The following SFXN4 variants were observed in gnomAD, a reference collection of about 807,000 sequenced individuals.
SFXN4 encodes the protein sideroflexin-4.
SFXN4 carries 48 observed loss-of-function variants against 54.6 expected under a neutral mutation model. The observed-to-expected ratio is 0.88, with a 90% CI of 0.70 to 1.12. SFXN4 has a LOEUF of 1.12. Ranked by LOEUF, SFXN4 falls within the 50% of genes most tolerant of loss-of-function variation. The probability of loss-of-function intolerance (pLI) is 0.00; values close to 1 mark genes in which losing one functional copy is unlikely to be tolerated. For synonymous variants in SFXN4, 130 were observed against 145.5 expected (o/e 0.89, Z 0.77); for missense variants, 383 against 409.2 (o/e 0.94, Z 0.55).
At chr10:119,164,760 C>G (rs564469549) in intron 1 of SFXN4, among the ~76,000 whole-genome samples, 1 of 152,008 alleles carries the variant, frequency 6.6e-6, no homozygotes, top group African/African-American at 2.4e-5. Context: ...CGCCCCTTCT[C>G]AATTTCCCCA....
chr10:119,156,477 C>T (rs1053329658), intron 10 of SFXN4, among the ~76,000 whole-genome samples: 3 of 152,168 alleles, frequency 2.0e-5, no homozygotes, highest in Non-Finnish European at 4.4e-5. Flanking sequence ...CATTCTTTAG[C>T]CATTAATGTG....
chr10:119,163,909 G>A (rs938222855), intron 2 of SFXN4, among the ~76,000 whole-genome samples: 9 of 151,816 alleles, frequency 5.9e-5, no homozygotes, highest in African/African-American at 1.9e-4. Context: ...GCATGGTGGC[G>A]CATGCCTGCA....
chr10:119,153,136 C>T (rs1416487556), intron 11 of SFXN4, among the ~76,000 whole-genome samples: 4 of 152,114 alleles, frequency 2.6e-5, no homozygotes, highest in Non-Finnish European at 1.5e-5. Context: ...TTTGGCCAGG[C>T]CCAGTGGCTC....
At chr10:119,159,286 C>CA (rs67173524) in intron 6 of SFXN4, among the ~76,000 whole-genome samples, 45,439 of 151,338 alleles carry the variant, frequency 0.3, 7,556 homozygotes, top group South Asian at 0.39. Flanking sequence ...TCTCGAAAAA[C>CA]AAAAAAAACC....
At chr10:119,158,674 G>T (rs1589644633) in intron 6 of SFXN4, among the ~76,000 whole-genome samples, 1 of 147,378 alleles carries the variant, frequency 6.8e-6, no homozygotes, top group African/African-American at 2.5e-5. Flanking sequence ...GCAGACAGGA[G>T]CCTGTGGTGT....
intron 11 of SFXN4, 48 bp from the exon 12 acceptor site, chr10:119,147,908 C>A: frequency 6.7e-7 from 1 of 1,493,772 alleles, no homozygotes; most frequent in Non-Finnish European, 9.3e-7. Flanking sequence ...CGGTGGCTCA[C>A]GCCTGTAATC....
intron 11 of SFXN4, among the ~76,000 whole-genome samples, chr10:119,150,452 GGATCACTTGATGCC>G (rs1847017575): frequency 6.6e-6 from 1 of 152,096 alleles, no homozygotes; most frequent in East Asian, 1.9e-4. Flanking sequence ...CAAGGCAGGA[GGATCACTTGATGCC>G]AGGAGTTTGA....
intron 1 of SFXN4, chr10:119,165,076 G>C: frequency 3.2e-6 from 1 of 312,458 alleles, no homozygotes; most frequent in Non-Finnish European, 4.7e-6. Context: ...TACCTGTAAG[G>C]CTCACATCAT....
intron 11 of SFXN4, among the ~76,000 whole-genome samples, chr10:119,152,097 G>C (rs1201449702): frequency 2.6e-5 from 4 of 152,006 alleles, no homozygotes; most frequent in Non-Finnish European, 4.4e-5. Flanking sequence ...GCATGAGTGA[G>C]CCACCATGCC....
At chr10:119,147,701 G>A (rs752657437) in intron 12 of SFXN4, 74 bp downstream of exon 12, 21 of 1,277,308 alleles carry the variant, frequency 1.6e-5, no homozygotes, top group Non-Finnish European at 2.4e-5. Context: ...CCCTCCACCA[G>A]GGTCAGTATC....
chr10:119,147,172 G>A (rs2133577241), intron 12 of SFXN4, among the ~76,000 whole-genome samples: 1 of 152,320 alleles, frequency 6.6e-6, no homozygotes. Flanking sequence ...ATGACAGGGA[G>A]GCGCGCCCAG....
intron 13 of SFXN4, among the ~76,000 whole-genome samples, chr10:119,141,634 C>A (rs1846528692): frequency 1.3e-5 from 2 of 151,848 alleles, no homozygotes; most frequent in Admixed American, 1.3e-4. Context: ...CCTCAGCCAC[C>A]CGAGTAGCTG....
At chr10:119,144,239 G>T (rs1455902813) in intron 13 of SFXN4, among the ~76,000 whole-genome samples, 1 of 152,096 alleles carries the variant, frequency 6.6e-6, no homozygotes, top group African/African-American at 2.4e-5. Context: ...GGCGGATCAC[G>T]AGGTCAGGAG....
intron 12 of SFXN4, 121 bp from the exon 13 acceptor site, chr10:119,146,474 TACCTGAAC>T: frequency 3.8e-6 from 2 of 526,286 alleles, no homozygotes; most frequent in Non-Finnish European, 3.4e-6. Context: ...CGTGTGTGTG[TACCTGAAC>T]ACCTGGATCA....
At chr10:119,148,121 A>C (rs1846897963) in intron 11 of SFXN4, among the ~76,000 whole-genome samples, 1 of 152,146 alleles carries the variant, frequency 6.6e-6, no homozygotes, top group Admixed American at 6.6e-5. Context: ...GCAGTGAGCC[A>C]AGATCACGCC....
At chr10:119,150,497 C>T (rs570824578) in intron 11 of SFXN4, among the ~76,000 whole-genome samples, 5 of 151,994 alleles carry the variant, frequency 3.3e-5, no homozygotes, top group Admixed American at 1.3e-4. Context: ...GGCAACATAG[C>T]GAGACCCCAT....
intron 11 of SFXN4, among the ~76,000 whole-genome samples, chr10:119,150,025 T>C (rs952117031): frequency 6.6e-6 from 1 of 152,204 alleles, no homozygotes; most frequent in Admixed American, 6.5e-5. Context: ...TACCATCAGA[T>C]ATTGCTGGTT....
At chr10:119,141,371 A>G in intron 13 of SFXN4, 52 bp from the exon 14 acceptor site, 1 of 1,162,602 alleles carries the variant, frequency 8.6e-7, no homozygotes, top group Non-Finnish European at 1.3e-6. Flanking sequence ...TTCTTGCCTT[A>G]GAAGCCAAGT....
chr10:119,159,835 C>T (rs1323327311), intron 5 of SFXN4, 82 bp from the exon 6 acceptor site: 1 of 1,427,910 alleles, frequency 7.0e-7, no homozygotes, highest in Middle Eastern at 1.7e-4. Context: ...CCCACCTGAA[C>T]ACCTCTTCCC....
Sources: gnomAD v4.1 joint callset for allele counts (sites outside exome capture counted in the v4.1 genomes callset) on GRCh38, gnomAD v4.1.1 for gene constraint, MANE v1.5 for transcripts, NCBI Gene and HGNC (gene_info 2026-07-23, HGNC 2026-07-21) for gene names.